FBN2: variants seen among roughly 807,000 people sequenced by gnomAD.
FBN2 encodes the protein fibrillin 2, also known as fibrillin-2.
In FBN2, 105 loss-of-function variants were observed where a neutral mutation model predicts 355.6. The ratio of observed to expected loss-of-function variants is 0.30; its 90% confidence interval spans 0.25 to 0.35. The LOEUF is 0.35. Among genes scored for constraint, FBN2 ranks in the 10% least tolerant of loss-of-function variants. FBN2 has a pLI of 1.00. For synonymous variants in FBN2, 1,350 were observed against 1,301.2 expected (o/e 1.04, Z -0.81); for missense variants, 3,280 against 3,758.7 (o/e 0.87, Z 3.33).
chr5:128,428,954 C>A (rs1753550828), intron 7 of FBN2, among the ~76,000 whole-genome samples: 1 of 152,206 alleles, frequency 6.6e-6, no homozygotes, highest in Non-Finnish European at 1.5e-5. Flanking sequence ...TCATTGGCCC[C>A]AGGTTCCTGA....
rs143818649 is a variant in FBN2, at chr5:128,417,982, T to G, written c.953-9183A>C. On this transcript the variant is annotated intron_variant, in intron 7 of 64. Transcript: ENST00000262464. ...GGGCTTTTCTTTGTTGGGAGATGTT[T>G]TATTACTGATTAAGTCTTATTGCTT... Among the ~76,000 whole-genome samples, 15 of 152,166 alleles carry G rather than the reference T, an allele frequency of 9.9e-5. No homozygotes were observed. The East Asian group carries it at 1.9e-3, about 20-fold the overall frequency.
At chr5:128,333,966 G>T (rs1372714905) in intron 31 of FBN2, among the ~76,000 whole-genome samples, 1 of 151,638 alleles carries the variant, frequency 6.6e-6, no homozygotes, top group East Asian at 2.0e-4. Context: ...TCAGCTTAAG[G>T]GCTGGGTTGG....
intron 15 of FBN2, among the ~76,000 whole-genome samples, chr5:128,372,243 C>T (rs1478963610): frequency 4.6e-5 from 7 of 152,118 alleles, no homozygotes; most frequent in Admixed American, 4.6e-4. Context: ...TACTAAACTG[C>T]ATCACTGAAT....
rs1055281021 is a variant in FBN2 at position 128,427,044 on chromosome 5, A to C, written c.953-18245T>G. On this transcript the variant is annotated intron_variant, in intron 7 of 64. Transcript: ENST00000262464. ...TTCCAAATTTATATTGCCAACCTTG[A>C]CCTTGCCCTTGAACTTGACTCATAT... 4.6e-5 allele frequency among the ~76,000 whole-genome samples: 7 copies of C among 152,282 alleles called. 1 individual carries two copies. Among genetic ancestry groups the C allele is most frequent in the Middle Eastern group, 3.4e-3 (1 of 294 alleles).
chr5:128,281,612 C>T (rs554603923), intron 55 of FBN2, among the ~76,000 whole-genome samples: 105 of 152,202 alleles, frequency 6.9e-4, no homozygotes, highest in Non-Finnish European at 1.2e-3. Context: ...TCTTGGCTCA[C>T]CATTGGTCCA....
chr5:128,437,775 TAGATAGATAGATA>T (rs1311786578), intron 7 of FBN2, among the ~76,000 whole-genome samples: 4 of 11,712 alleles, frequency 3.4e-4, no homozygotes, highest in South Asian at 6.1e-3. Context: ...TATGTATGTA[TAGATAGATAGATA>T]GATAGATAGA....
chr5:128,470,394 C>A (rs941684559), intron 5 of FBN2, among the ~76,000 whole-genome samples: 1 of 152,134 alleles, frequency 6.6e-6, no homozygotes, highest in African/African-American at 2.4e-5. Context: ...AACCAGACAA[C>A]CTTTGGAGAA....
At chr5:128,338,760 G>A (rs1750912500) in intron 26 of FBN2, among the ~76,000 whole-genome samples, 173 bp downstream of exon 26, 2 of 152,240 alleles carry the variant, frequency 1.3e-5, no homozygotes, top group South Asian at 2.1e-4. Flanking sequence ...GGGGCTCCCC[G>A]AGAGCTATCC....
chr5:128,498,260 A>G (rs549406141), intron 5 of FBN2, among the ~76,000 whole-genome samples: 18 of 152,346 alleles, frequency 1.2e-4, no homozygotes, highest in Middle Eastern at 3.4e-3. Context: ...AAAATCTCAT[A>G]TATTTTCTTG....
chr5:128,537,251 T>TA, intron 1 of FBN2, 99 bp downstream of exon 1: 1 of 1,542,526 alleles, frequency 6.5e-7, no homozygotes, highest in Non-Finnish European at 8.7e-7. Flanking sequence ...AGGCTCCAGC[T>TA]AAAGGGTCTG....
At chr5:128,527,749 G>T (rs1046512704) in intron 4 of FBN2, 123 bp downstream of exon 4, 3 of 697,988 alleles carry the variant, frequency 4.3e-6, no homozygotes, top group Non-Finnish European at 7.6e-6. Flanking sequence ...TCAGTTTTAA[G>T]GTATGGTTTA....
intron 39 of FBN2, among the ~76,000 whole-genome samples, chr5:128,310,363 CACATATATATATAT>C (rs1193340524): frequency 8.5e-5 from 5 of 58,968 alleles, no homozygotes; most frequent in African/African-American, 3.4e-4. Flanking sequence ...ATTTCCTTGG[CACATATATATATAT>C]ATATATATAT....
At chr5:128,365,591 G>C (rs2126941995) in intron 17 of FBN2, among the ~76,000 whole-genome samples, 1 of 151,626 alleles carries the variant, frequency 6.6e-6, no homozygotes, top group East Asian at 1.9e-4. Flanking sequence ...CAACATTACT[G>C]CCTACCATCT....
At position 128,464,950 on chromosome 5, in the gene FBN2, G is replaced by GATCTTT. The variant is rs757980619; in HGVS notation, c.629-30_629-29insAAAGAT. 1.9e-6 allele frequency: 3 copies of GATCTTT among 1,605,070 alleles called. No homozygotes were observed. In the Admixed American group the frequency reaches 5.0e-5, roughly 27 times the overall value. On this transcript the variant is annotated intron_variant, in intron 5 of 64. Coordinates refer to ENST00000262464, the MANE Select transcript of FBN2 (RefSeq NM_001999.4). ...GAATGTGGGAGAAGAAAGAAAGACA[G>GATCTTT]GTTTTATGATCATATACTAATCTTA...
intron 48 of FBN2, among the ~76,000 whole-genome samples, chr5:128,297,054 T>C (rs1415104006): frequency 6.6e-6 from 1 of 152,206 alleles, no homozygotes; most frequent in Non-Finnish European, 1.5e-5. Context: ...TTCTCGCTGG[T>C]TTCAAATAAC....
At chr5:128,391,779 G>A (rs1752518928) in intron 11 of FBN2, among the ~76,000 whole-genome samples, 1 of 152,070 alleles carries the variant, frequency 6.6e-6, no homozygotes, top group African/African-American at 2.4e-5. Flanking sequence ...AGAATGGAAA[G>A]GGAGAGTCAG....
Position 128,345,511 on chromosome 5 carries a change from G to A in FBN2, c.3063C>T (p.Arg1021=). ...CGACAGCACAGCAGCAGGCATCCAT[G>A]CGGAACTTTCCAGGAACGGGGTGGA... ...ECIHPVPGKF[R]MDACCCAVGA... is the part of the protein sequence containing the mutation. Residue 1021 remains arginine, a synonymous_variant, in exon 24 of 65, where the codon CGC becomes CGT. Transcript: ENST00000262464. 2 of 1,614,200 alleles carry A rather than the reference G, an allele frequency of 1.2e-6. No individual in the cohort carries two copies. Among genetic ancestry groups the A allele is most frequent in the Non-Finnish European group, 1.7e-6 (2 of 1,180,024 alleles).
intron 64 of FBN2, 60 bp from the exon 65 acceptor site, chr5:128,259,889 A>G: frequency 6.3e-7 from 1 of 1,579,514 alleles, no homozygotes. Flanking sequence ...AGAGGACTAG[A>G]AAGAGATCAG....
intron 7 of FBN2, 136 bp downstream of exon 7, chr5:128,446,345 T>TTTC: frequency 1.1e-6 from 1 of 926,962 alleles, no homozygotes; most frequent in Non-Finnish European, 1.7e-6. Context: ...AGAACTACTC[T>TTTC]AGGCTTAAAC....
Sources: allele counts gnomAD v4.1 joint callset (sites outside exome capture counted in the v4.1 genomes callset), GRCh38; gene constraint gnomAD v4.1.1; transcripts MANE v1.5; gene names NCBI Gene and HGNC (gene_info 2026-07-23, HGNC 2026-07-21).